Variants in TRAPPC9 observed in about 807,000 individuals in gnomAD.
TRAPPC9 encodes the protein trafficking protein particle complex subunit 9.
A neutral mutation model predicts 124.0 loss-of-function variants in TRAPPC9; 83 were observed. That is an observed-to-expected ratio of 0.67 (90% CI 0.56 to 0.80). The LOEUF is 0.80. Ranked by LOEUF, TRAPPC9 falls within the 30% of genes least tolerant of loss-of-function variation. The probability of loss-of-function intolerance (pLI) is 0.00; values close to 1 mark genes in which losing one functional copy is unlikely to be tolerated. For synonymous variants in TRAPPC9, 638 were observed against 617.5 expected, an observed-to-expected ratio of 1.03 and a Z score of -0.49; for missense variants, 1,302 against 1,508.3, an observed-to-expected ratio of 0.86 and a Z score of 2.27.
chr8:140,196,707 C>CAA (rs1439523663), intron 17 of TRAPPC9, among the ~76,000 whole-genome samples: 1 of 151,122 alleles, frequency 6.6e-6, no homozygotes, highest in Non-Finnish European at 1.5e-5. Flanking sequence ...ACGTGTGACA[C>CAA]AAACACACAA....
At chr8:139,782,037 C>CA (rs966945915) in intron 21 of TRAPPC9, among the ~76,000 whole-genome samples, 9 of 152,006 alleles carry the variant, frequency 5.9e-5, no homozygotes, top group African/African-American at 1.7e-4. Context: ...CAAGCACTTA[C>CA]AAAAAATGTA....
chr8:139,896,101 C>T (rs1180942886), intron 20 of TRAPPC9, among the ~76,000 whole-genome samples: 1 of 152,200 alleles, frequency 6.6e-6, no homozygotes, highest in Non-Finnish European at 1.5e-5. Context: ...GCTAATAAAG[C>T]TAATTACCTG....
At chr8:140,073,460 T>C (rs1843304984) in intron 17 of TRAPPC9, among the ~76,000 whole-genome samples, 3 of 152,224 alleles carry the variant, frequency 2.0e-5, no homozygotes. Flanking sequence ...AGAGCACTTA[T>C]GCTGAGGTGC....
chr8:140,155,947 G>C (rs746425737), intron 17 of TRAPPC9, among the ~76,000 whole-genome samples: 6 of 152,168 alleles, frequency 3.9e-5, no homozygotes, highest in Non-Finnish European at 7.3e-5. Flanking sequence ...CAATACACTT[G>C]CTTATGGCCC....
At chr8:139,882,381 C>T (rs1038090866) in intron 21 of TRAPPC9, among the ~76,000 whole-genome samples, 5 of 152,154 alleles carry the variant, frequency 3.3e-5, no homozygotes, top group Non-Finnish European at 5.9e-5. Context: ...CCTGGCTCCA[C>T]CAAAAGCCTC....
At chr8:140,305,334 A>G (rs1207706225) in intron 10 of TRAPPC9, among the ~76,000 whole-genome samples, 1 of 152,008 alleles carries the variant, frequency 6.6e-6, no homozygotes, top group East Asian at 1.9e-4. Context: ...GGAGTATCGC[A>G]CTGTCACCCA....
intron 6 of TRAPPC9, among the ~76,000 whole-genome samples, chr8:140,404,906 A>ATGTGTGTGTGTGTGTG (rs1312577613): frequency 1.7e-5 from 1 of 59,648 alleles, no homozygotes; most frequent in Non-Finnish European, 4.0e-5. Context: ...GTGTGTGAGC[A>ATGTGTGTGTGTGTGTG]TGCGTGTGTG....
chr8:140,169,185 T>C (rs745605943), intron 17 of TRAPPC9, among the ~76,000 whole-genome samples: 51 of 151,404 alleles, frequency 3.4e-4, no homozygotes, highest in Admixed American at 1.7e-3. Context: ...TGAACATAGA[T>C]AATATTTGAA....
chr8:140,131,555 AAG>A (rs1295790972), intron 17 of TRAPPC9, among the ~76,000 whole-genome samples: 1 of 152,186 alleles, frequency 6.6e-6, no homozygotes, highest in African/African-American at 2.4e-5. Flanking sequence ...CCTGGCTGCC[AAG>A]GGGTGCGGCT....
At chr8:140,098,639 G>A (rs898397361) in intron 17 of TRAPPC9, 1 of 151,810 alleles carries the variant, frequency 6.6e-6, no homozygotes, top group Non-Finnish European at 1.5e-5. Context: ...TTAGGTCTCA[G>A]TGCATGGCTT....
In TRAPPC9 at chr8:139,788,481, C is replaced by T. The variant is rs866488315; in HGVS notation, c.3056-56279G>A. ...GATCCCAGCCTGGCCCTTCCTGGTG[C>T]CAGCACCCTCCAGGCACAGCCAGCC... On this transcript the variant is annotated intron_variant, in intron 21 of 22. Transcript: ENST00000438773. This position sits in a 1 kb window ranked among gnomAD's most constrained non-coding sequence, Gnocchi z 4.9. Among the ~76,000 whole-genome samples, 2 of 152,210 alleles carry T rather than the reference C, an allele frequency of 1.3e-5. No individual in the cohort carries two copies. Among genetic ancestry groups the T allele is most frequent in the Admixed American group, 1.3e-4 (2 of 15,288 alleles).
intron 19 of TRAPPC9, among the ~76,000 whole-genome samples, chr8:139,983,429 C>G (rs140532964): frequency 6.6e-6 from 1 of 151,652 alleles, no homozygotes; most frequent in South Asian, 2.1e-4. Context: ...CCCCCCAGTC[C>G]TAGGCCCCCC....
chr8:140,293,580 T>C lies in TRAPPC9; in HGVS notation c.1769-2502A>G, dbSNP rs1156624884. ...GTCCTTTGTAGGGACATGGATGAAA[T>C]TGGAAATCATCATTCTCAGTAAACT... On this transcript the variant is annotated intron_variant, in intron 11 of 22. Transcript: ENST00000438773. Among the ~76,000 whole-genome samples, 8 of 152,076 alleles carry C rather than the reference T, an allele frequency of 5.3e-5. No individual in the cohort carries two copies. The East Asian group carries it at 1.2e-3, about 22-fold the overall frequency.
rs2129898866 is a variant in TRAPPC9 at position 139,729,198 on chromosome 8, C to A, written c.*1863G>T. ...ATGTGTATCCTTTCTACCTTTTAAA[C>A]ATGTTGTTATAGACACGTTCTGAGG... On this transcript the variant is annotated 3_prime_UTR_variant, in exon 23 of 23. Coordinates refer to ENST00000438773, the MANE Select transcript of TRAPPC9 (RefSeq NM_001160372.4). Among the ~76,000 whole-genome samples, 1 of 152,342 alleles carries A rather than the reference C, an allele frequency of 6.6e-6. No homozygotes were observed. Among genetic ancestry groups the A allele is most frequent in the East Asian group, 1.9e-4 (1 of 5,184 alleles).
chr8:140,041,762 AG>A (rs1841289499), intron 17 of TRAPPC9, among the ~76,000 whole-genome samples: 1 of 152,240 alleles, frequency 6.6e-6, no homozygotes, highest in African/African-American at 2.4e-5. Context: ...ACTTGAGGTC[AG>A]GAGTTCAAGA....
At chr8:140,239,493 C>T (rs1246653531) in intron 16 of TRAPPC9, among the ~76,000 whole-genome samples, 2 of 152,214 alleles carry the variant, frequency 1.3e-5, no homozygotes, top group Non-Finnish European at 2.9e-5. Context: ...ACAAGTAAGA[C>T]TCCGGCCCTG....
chr8:140,196,869 C>T (rs1396866894), intron 17 of TRAPPC9, among the ~76,000 whole-genome samples: 1 of 152,166 alleles, frequency 6.6e-6, no homozygotes, highest in African/African-American at 2.4e-5. Context: ...ACGTACAGAC[C>T]ACACCTGTGA....
intron 14 of TRAPPC9, among the ~76,000 whole-genome samples, chr8:140,280,352 CT>C (rs1245311947): frequency 6.6e-6 from 1 of 152,218 alleles, no homozygotes; most frequent in Non-Finnish European, 1.5e-5. Flanking sequence ...TAAAATCCAC[CT>C]AGCTTAAGTA....
At chr8:140,190,354 A>T (rs2062462445) in intron 17 of TRAPPC9, among the ~76,000 whole-genome samples, 1 of 152,164 alleles carries the variant, frequency 6.6e-6, no homozygotes, top group Admixed American at 6.5e-5. Context: ...GCTACTCGGG[A>T]GGCTGAGGCA....
Sources: allele counts gnomAD v4.1 joint callset (sites outside exome capture counted in the v4.1 genomes callset), GRCh38; gene constraint gnomAD v4.1.1; non-coding constraint Gnocchi (gnomAD v3.1); transcripts MANE v1.5; gene names NCBI Gene and HGNC (gene_info 2026-07-23, HGNC 2026-07-21).